MARCHF1: variants seen among roughly 807,000 people sequenced by gnomAD.
MARCHF1 encodes the protein E3 ubiquitin-protein ligase MARCHF1.
In MARCHF1, 40 loss-of-function variants were observed where a neutral mutation model predicts 54.2. That is an observed-to-expected ratio of 0.74 (90% confidence interval 0.57 to 0.96). The LOEUF (loss-of-function observed/expected upper bound fraction) is 0.96, where lower values mean the gene tolerates loss of function less well. Ranked by LOEUF, MARCHF1 falls within the 40% of genes least tolerant of loss-of-function variation. The pLI is 0.00. For synonymous variants in MARCHF1, 236 were observed against 236.3 expected, an observed-to-expected ratio of 1.00 and a Z score of 0.01; for missense variants, 586 against 656.5, an observed-to-expected ratio of 0.89 and a Z score of 1.17.
intron 5 of MARCHF1, among the ~76,000 whole-genome samples, chr4:163,669,016 G>T (rs1442391773): frequency 6.6e-6 from 1 of 152,138 alleles, no homozygotes; most frequent in Non-Finnish European, 1.5e-5. Context: ...GAGAATTACA[G>T]CTGCTTTTAT....
intron 3 of MARCHF1, among the ~76,000 whole-genome samples, chr4:163,986,512 G>T (rs1185054882): frequency 6.6e-6 from 1 of 151,658 alleles, no homozygotes; most frequent in Non-Finnish European, 1.5e-5. Context: ...TGATCCGCCC[G>T]CCTCGGCCTC....
chr4:163,875,156 C>T (rs1750262151), intron 3 of MARCHF1, among the ~76,000 whole-genome samples: 1 of 151,626 alleles, frequency 6.6e-6, no homozygotes, highest in Admixed American at 6.6e-5. Context: ...CTTAGCTTGA[C>T]ACACACGTTG....
chr4:164,050,275 C>CAAAAAAA (rs34642436), intron 2 of MARCHF1, among the ~76,000 whole-genome samples: 17 of 40,190 alleles, frequency 4.2e-4, no homozygotes, highest in East Asian at 3.2e-3. Context: ...ACACTGTCTC[C>CAAAAAAA]AAAAAAAAAA....
intron 2 of MARCHF1, among the ~76,000 whole-genome samples, chr4:164,052,797 G>C (rs565004824): frequency 2.7e-4 from 41 of 152,144 alleles, no homozygotes; most frequent in African/African-American, 9.9e-4. Context: ...CTGACACCAG[G>C]ATTAGAAATC....
intron 1 of MARCHF1, among the ~76,000 whole-genome samples, chr4:164,323,411 A>G (rs1437786301): frequency 6.6e-6 from 1 of 151,682 alleles, no homozygotes. Context: ...AGATTAATGC[A>G]TATCTTTTAA....
intron 1 of MARCHF1, among the ~76,000 whole-genome samples, chr4:164,322,134 G>C (rs1208166066): frequency 6.6e-6 from 1 of 151,968 alleles, no homozygotes; most frequent in East Asian, 1.9e-4. Flanking sequence ...GTTTCTTTTA[G>C]AGAAAATGGT....
intron 1 of MARCHF1, among the ~76,000 whole-genome samples, chr4:164,356,780 C>CAAAAAAAAAAAAAAAAAAAGCAA (rs58855405): frequency 1.9e-5 from 2 of 103,262 alleles, no homozygotes; most frequent in African/African-American, 7.0e-5. Flanking sequence ...AAAAGAAAAG[C>CAAAAAAAAAAAAAAAAAAAGCAA]AAAAAAAAAA....
chr4:164,264,158 C>T (rs982630929), intron 1 of MARCHF1, among the ~76,000 whole-genome samples: 29 of 152,016 alleles, frequency 1.9e-4, no homozygotes, highest in Admixed American at 1.4e-3. Flanking sequence ...AATACTACGC[C>T]GCCATTAAAA....
At position 164,049,248 on chromosome 4, in the gene MARCHF1, C is replaced by A. The variant is rs919487155; in HGVS notation, c.-247-60539G>T. ...AAGGAAGTGCCACACTTAAAACCATCAGCTTGCAGGATAACTCCCTCACTA... is the reference window on the plus strand; with the variant it reads ...AAGGAAGTGCCACACTTAAAACCATAAGCTTGCAGGATAACTCCCTCACTA... On this transcript the variant is annotated intron_variant, in intron 2 of 9. Coordinates refer to ENST00000514618, the MANE Select transcript of MARCHF1 (RefSeq NM_001394959.1). 4.6e-5 allele frequency among the ~76,000 whole-genome samples: 7 copies of A among 152,262 alleles called. No homozygotes were observed. In the Middle Eastern group the frequency reaches 0.014, roughly 296 times the overall value.
intron 8 of MARCHF1, among the ~76,000 whole-genome samples, chr4:163,576,121 G>A (rs1006235044): frequency 1.3e-5 from 2 of 151,842 alleles, no homozygotes; most frequent in African/African-American, 4.8e-5. Context: ...GTTTCTGTAG[G>A]TGTGATGTTA....
At chr4:163,898,079 A>G (rs1292637878) in intron 3 of MARCHF1, among the ~76,000 whole-genome samples, 2 of 151,324 alleles carry the variant, frequency 1.3e-5, no homozygotes, top group East Asian at 3.9e-4. Context: ...AAAAAAAAAA[A>G]AAAAAATCCT....
chr4:164,327,789 G>A (rs1735321372), intron 1 of MARCHF1, among the ~76,000 whole-genome samples: 1 of 152,186 alleles, frequency 6.6e-6, no homozygotes, highest in South Asian at 2.1e-4. Context: ...GGGAAACAAA[G>A]GAATTTACAA....
chr4:163,717,635 T>C (rs1463489836), intron 4 of MARCHF1, among the ~76,000 whole-genome samples: 1 of 152,188 alleles, frequency 6.6e-6, no homozygotes, highest in East Asian at 1.9e-4. Context: ...TGTTCCTATT[T>C]CTCCACATCC....
intron 3 of MARCHF1, among the ~76,000 whole-genome samples, chr4:163,892,637 AAAAAT>A (rs1389467139): frequency 6.6e-6 from 1 of 151,472 alleles, no homozygotes; most frequent in Non-Finnish European, 1.5e-5. Flanking sequence ...AAAATTAAAA[AAAAAT>A]AAAAATAATG....
chr4:164,351,067 C>G (rs568828471), intron 1 of MARCHF1, among the ~76,000 whole-genome samples: 8 of 152,322 alleles, frequency 5.3e-5, no homozygotes, highest in Admixed American at 3.3e-4. Flanking sequence ...GCTTAAAAAA[C>G]GGCGCACCAC....
At chr4:164,177,812 C>T (rs376671063) in intron 1 of MARCHF1, among the ~76,000 whole-genome samples, 1,890 of 149,472 alleles carry the variant, frequency 0.013, 42 homozygotes, top group East Asian at 0.092. Context: ...AAGAGACACA[C>T]ACACACACAC....
chr4:164,274,036 TA>T (rs1222205802), intron 1 of MARCHF1, among the ~76,000 whole-genome samples: 1 of 85,204 alleles, frequency 1.2e-5, no homozygotes, highest in Non-Finnish European at 3.6e-5. Flanking sequence ...CCAAAATCAC[TA>T]TTTTTTTTTT....
At chr4:164,271,580 T>A (rs1194603404) in intron 1 of MARCHF1, among the ~76,000 whole-genome samples, 3 of 152,150 alleles carry the variant, frequency 2.0e-5, no homozygotes, top group South Asian at 2.1e-4. Context: ...GATAAGTTTG[T>A]GTTATTTTAG....
At chr4:164,212,174 C>T (rs1389481865) in intron 1 of MARCHF1, among the ~76,000 whole-genome samples, 1 of 152,160 alleles carries the variant, frequency 6.6e-6, no homozygotes, top group East Asian at 1.9e-4. Flanking sequence ...ACAATAACAA[C>T]TATTTAATAC....
Sources: allele counts gnomAD v4.1 joint callset (sites outside exome capture counted in the v4.1 genomes callset), GRCh38; gene constraint gnomAD v4.1.1; transcripts MANE v1.5; gene names NCBI Gene and HGNC (gene_info 2026-07-23, HGNC 2026-07-21).